Variants in AGAP3 observed in about 807,000 individuals in gnomAD.
AGAP3 encodes the protein arf-GAP with GTPase, ANK repeat and PH domain-containing protein 3.
In AGAP3, 24 loss-of-function variants were observed where a neutral mutation model predicts 96.9. The ratio of observed to expected loss-of-function variants is 0.25; its 90% confidence interval spans 0.18 to 0.35. The LOEUF (loss-of-function observed/expected upper bound fraction) is 0.35. Ranked by LOEUF, AGAP3 falls within the 10% of genes least tolerant of loss-of-function variation. The probability of loss-of-function intolerance (pLI) is 1.00; values close to 1 mark genes in which losing one functional copy is unlikely to be tolerated. For synonymous variants in AGAP3, 563 were observed against 536.1 expected, an observed-to-expected ratio of 1.05 and a Z score of -0.69; for missense variants, 876 against 1,254.2, an observed-to-expected ratio of 0.70 and a Z score of 4.55.
At chr7:151,111,548 G>A (rs1455893669) in intron 1 of AGAP3, among the ~76,000 whole-genome samples, 1 of 152,052 alleles carries the variant, frequency 6.6e-6, no homozygotes, top group Non-Finnish European at 1.5e-5. Flanking sequence ...CCTGCCCAGG[G>A]GTGTTCTCTC....
At position 151,123,926 on chromosome 7, in the gene AGAP3, G is replaced by A. The variant is rs184134716; in HGVS notation, c.1221+40G>A. On this transcript the variant is annotated intron_variant, in intron 9 of 17. Transcript: ENST00000397238. ...TCCCGTGTGCTCCAGGGCTCAGAAT[G>A]AGGCCCAGGAATGTGGCGCTTCCCA... 3.9e-4 allele frequency: 613 copies of A among 1,584,286 alleles called. 10 individuals are homozygous for A. In the East Asian group the frequency reaches 0.01, roughly 27 times the overall value.
rs1357588207 is a variant in AGAP3 at position 151,096,675 on chromosome 7, C to T, written c.331+9603C>T. Among the ~76,000 whole-genome samples, 2 of 151,928 alleles carry T rather than the reference C, an allele frequency of 1.3e-5. No individual in the cohort carries two copies. The highest frequency in any genetic ancestry group is 1.9e-4 in the East Asian group (1 of 5,162). On this transcript the variant is annotated intron_variant, in intron 1 of 17. Transcript: ENST00000397238. This position sits in a 1 kb window ranked among gnomAD's most constrained non-coding sequence, Gnocchi z 4.4. ...TTTTAGTAGAGACGAGGTTTCACCG[C>T]GTTAGCCAAGGTAGTCTCGATCTCC...
At chr7:151,106,724 G>A (rs377530838) in intron 1 of AGAP3, among the ~76,000 whole-genome samples, 9 of 151,948 alleles carry the variant, frequency 5.9e-5, no homozygotes, top group South Asian at 2.1e-4. Context: ...TGATTCGCCC[G>A]CCTCAGGCTC....
intron 12 of AGAP3, among the ~76,000 whole-genome samples, chr7:151,138,783 G>A (rs553622783): frequency 3.3e-5 from 5 of 152,264 alleles, no homozygotes; most frequent in South Asian, 4.1e-4. Context: ...GCCACGTTCC[G>A]AAGGCAGCAG....
At chr7:151,126,912 T>G (rs1377234958) in intron 9 of AGAP3, among the ~76,000 whole-genome samples, 1 of 152,242 alleles carries the variant, frequency 6.6e-6, no homozygotes, top group Non-Finnish European at 1.5e-5. Context: ...GGCCATGTAC[T>G]TCAACTCCCA....
At chr7:151,134,598 G>A (rs749395698) in intron 11 of AGAP3, 30 bp downstream of exon 11, 1 of 1,571,612 alleles carries the variant, frequency 6.4e-7, no homozygotes. Flanking sequence ...GGGGGCCTGG[G>A]GGGTGGCTGC....
At position 151,143,742 on chromosome 7, in the gene AGAP3, G is replaced by GGTGGAC. The variant is rs1328698867; in HGVS notation, c.2539_2544dup (p.Asp847_Val848dup). 6.2e-7 allele frequency: 1 copy of GGTGGAC among 1,614,068 alleles called. No homozygotes were observed. Among genetic ancestry groups the GGTGGAC allele is most frequent in the Non-Finnish European group, 8.5e-7 (1 of 1,180,044 alleles). On this transcript the variant is annotated inframe_insertion, in exon 18 of 18. Transcript: ENST00000397238. This position sits in a 1 kb window ranked among gnomAD's most constrained non-coding sequence, Gnocchi z 5.9. ...ACATGTGTTTTCTCCTACAGTACGG[G>GGTGGAC]GTGGACGTGAGGAGCCGGGACGCCC... is the stretch of plus-strand genomic sequence containing the variant.
intron 1 of AGAP3, among the ~76,000 whole-genome samples, chr7:151,089,093 C>G (rs1798276503): frequency 6.6e-6 from 1 of 152,058 alleles, no homozygotes; most frequent in South Asian, 2.1e-4. Flanking sequence ...CCAGCCTCTC[C>G]TGGCACCGTC....
chr7:151,097,575 G>T (rs1336953313), intron 1 of AGAP3, among the ~76,000 whole-genome samples: 1 of 151,924 alleles, frequency 6.6e-6, no homozygotes, highest in African/African-American at 2.4e-5. Context: ...AGTTCAGCAG[G>T]TTGTGCAGGA....
intron 1 of AGAP3, chr7:151,090,383 T>G: frequency 3.9e-5 from 2 of 51,108 alleles, no homozygotes; most frequent in South Asian, 8.8e-4. Context: ...ACTAGGGCTT[T>G]TTTTTTTTTT....
chr7:151,123,057 C>A, intron 8 of AGAP3: 2 of 1,281,732 alleles, frequency 1.6e-6, no homozygotes, highest in Non-Finnish European at 2.0e-6. Context: ...CCGGCGCTGG[C>A]CAGCGCGACG....
chr7:151,115,405 C>T (rs1460648965), intron 1 of AGAP3: 2 of 1,011,800 alleles, frequency 2.0e-6, no homozygotes, highest in Non-Finnish European at 2.4e-6. Context: ...GCCCGGCCGC[C>T]GCGCGCGCGC....
At chr7:151,107,327 A>AT (rs1416899933) in intron 1 of AGAP3, among the ~76,000 whole-genome samples, 61 of 146,292 alleles carry the variant, frequency 4.2e-4, no homozygotes, top group African/African-American at 1.5e-3. Context: ...AAAAAAAAAA[A>AT]GTTTTTGCTT....
At chr7:151,111,147 A>T (rs1197271886) in intron 1 of AGAP3, among the ~76,000 whole-genome samples, 3 of 152,188 alleles carry the variant, frequency 2.0e-5, no homozygotes, top group African/African-American at 7.2e-5. Context: ...TCCCGGGCTC[A>T]GTGGCGGGTG....
intron 8 of AGAP3, chr7:151,121,099 C>T (rs1470173809): frequency 6.3e-6 from 1 of 159,224 alleles, no homozygotes; most frequent in Non-Finnish European, 1.4e-5. Flanking sequence ...ATCTCCGGAC[C>T]CTGCCCGGAC....
chr7:151,127,944 C>G lies in AGAP3; in HGVS notation c.1222-636C>G, dbSNP rs77911598. ...GGCAGGCTCCTTGTTGTGGCACTTT[C>G]GCTCATTCTTCTAGCCATCCAGCCT... On this transcript the variant is annotated intron_variant, in intron 9 of 17. Transcript: ENST00000397238. 2.6e-5 allele frequency among the ~76,000 whole-genome samples: 4 copies of G among 152,306 alleles called. No individual in the cohort carries two copies. In the South Asian group the frequency reaches 6.2e-4, roughly 24 times the overall value.
intron 1 of AGAP3, among the ~76,000 whole-genome samples, chr7:151,091,469 A>G (rs562061896): frequency 5.9e-4 from 90 of 152,350 alleles, no homozygotes; most frequent in South Asian, 4.3e-3. Context: ...TGCATCTAGC[A>G]CAGTGAAAAG....
chr7:151,125,429 AC>A (rs1168027056), intron 9 of AGAP3, among the ~76,000 whole-genome samples: 1 of 152,198 alleles, frequency 6.6e-6, no homozygotes, highest in Non-Finnish European at 1.5e-5. Context: ...TTAGTAGGTC[AC>A]TTGGGTGTTT....
intron 1 of AGAP3, among the ~76,000 whole-genome samples, chr7:151,110,919 G>A (rs1286891751): frequency 6.6e-6 from 1 of 152,162 alleles, no homozygotes; most frequent in African/African-American, 2.4e-5. Flanking sequence ...GTTAGGGGTG[G>A]AATTTAGGTC....
Sources: gnomAD v4.1 joint callset for allele counts (sites outside exome capture counted in the v4.1 genomes callset) on GRCh38, gnomAD v4.1.1 for gene constraint, Gnocchi (gnomAD v3.1) non-coding constraint, MANE v1.5 for transcripts, NCBI Gene and HGNC (gene_info 2026-07-23, HGNC 2026-07-21) for gene names.